Variants in SLC30A4 observed in about 807,000 individuals in gnomAD.
The protein encoded by SLC30A4 is probable proton-coupled zinc antiporter SLC30A4.
Under a neutral mutation model 41.7 loss-of-function variants are expected in SLC30A4, and 20 were observed. The ratio of observed to expected loss-of-function variants is 0.48; its 90% CI spans 0.34 to 0.70. SLC30A4 has a LOEUF of 0.70. Ranked by LOEUF, SLC30A4 falls within the 30% of genes least tolerant of loss-of-function variation. The probability of loss-of-function intolerance (pLI) is 0.01; values close to 1 mark genes in which losing one functional copy is unlikely to be tolerated. For synonymous variants in SLC30A4, 181 were observed against 195.9 expected (o/e 0.92, Z 0.64); for missense variants, 441 against 529.3 (o/e 0.83, Z 1.64).
At chr15:45,519,917 T>G (rs1892611041) in intron 2 of SLC30A4, among the ~76,000 whole-genome samples, 1 of 152,222 alleles carries the variant, frequency 6.6e-6, no homozygotes, top group Non-Finnish European at 1.5e-5. Context: ...AATCTCAGTC[T>G]GCTGAGACCA....
chr15:45,489,172 G>T, intron 4 of SLC30A4, 130 bp from the exon 5 acceptor site: 1 of 708,528 alleles, frequency 1.4e-6, no homozygotes, highest in Non-Finnish European at 2.3e-6. Flanking sequence ...TTATTTATCA[G>T]TACTGTTCTA....
chr15:45,521,570 A>C (rs994529840), intron 2 of SLC30A4, among the ~76,000 whole-genome samples: 1 of 152,074 alleles, frequency 6.6e-6, no homozygotes, highest in South Asian at 2.1e-4. Flanking sequence ...GCAGGTGTTC[A>C]GTAAGGTCCC....
intron 3 of SLC30A4, among the ~76,000 whole-genome samples, chr15:45,494,804 C>G (rs1891879425): frequency 6.6e-6 from 1 of 152,122 alleles, no homozygotes. Flanking sequence ...TAACCAAGTA[C>G]CAAGGCTGAA....
intron 4 of SLC30A4, 142 bp downstream of exon 4, chr15:45,490,586 T>C (rs1314308801): frequency 1.9e-6 from 1 of 528,678 alleles, no homozygotes; most frequent in African/African-American, 1.9e-5. Context: ...ATAACGTCCA[T>C]AGTGTTTCAT....
intron 3 of SLC30A4, chr15:45,502,088 A>C (rs892555363): frequency 2.0e-4 from 30 of 150,754 alleles, no homozygotes; most frequent in African/African-American, 7.1e-4. Flanking sequence ...ATTATATATT[A>C]GTGACTTTTT....
chr15:45,515,234 C>T (rs946581735), intron 2 of SLC30A4, among the ~76,000 whole-genome samples: 1 of 151,840 alleles, frequency 6.6e-6, no homozygotes, highest in Admixed American at 6.6e-5. Flanking sequence ...CACTATACTG[C>T]CCAGGCTGAT....
At chr15:45,516,522 C>T (rs1487253385) in intron 2 of SLC30A4, among the ~76,000 whole-genome samples, 1 of 152,050 alleles carries the variant, frequency 6.6e-6, no homozygotes, top group Non-Finnish European at 1.5e-5. Flanking sequence ...ATCTTTTCCT[C>T]TCCAGTTTTC....
chr15:45,496,117 G>A (rs1891902466), intron 3 of SLC30A4, among the ~76,000 whole-genome samples: 1 of 152,102 alleles, frequency 6.6e-6, no homozygotes, highest in Non-Finnish European at 1.5e-5. Context: ...ATAAAGCAAA[G>A]ACAATACTAT....
chr15:45,492,387 G>C (rs1163472851), intron 3 of SLC30A4, among the ~76,000 whole-genome samples: 1 of 152,064 alleles, frequency 6.6e-6, no homozygotes, highest in Non-Finnish European at 1.5e-5. Context: ...TATTACATTT[G>C]GGAAGTGGTA....
At chr15:45,492,825 T>C (rs1891835192) in intron 3 of SLC30A4, among the ~76,000 whole-genome samples, 1 of 152,104 alleles carries the variant, frequency 6.6e-6, no homozygotes. Flanking sequence ...AAAAAACTAG[T>C]TATCTTGGGT....
At chr15:45,493,957 T>A (rs1891859803) in intron 3 of SLC30A4, among the ~76,000 whole-genome samples, 1 of 152,182 alleles carries the variant, frequency 6.6e-6, no homozygotes, top group African/African-American at 2.4e-5. Context: ...CAGATAATCA[T>A]ACTTTGAAAG....
intron 3 of SLC30A4, among the ~76,000 whole-genome samples, chr15:45,499,466 T>A (rs1429678643): frequency 1.3e-5 from 2 of 152,166 alleles, no homozygotes; most frequent in African/African-American, 4.8e-5. Flanking sequence ...ATGAGCATTA[T>A]CTTTATCTAA....
At chr15:45,521,819 G>T in intron 2 of SLC30A4, 145 bp downstream of exon 2, 1 of 746,940 alleles carries the variant, frequency 1.3e-6, no homozygotes, top group Non-Finnish European at 2.2e-6. Flanking sequence ...CTTTGGAACC[G>T]TGTGGCCTTT....
At chr15:45,487,469 C>T in intron 6 of SLC30A4, 58 bp downstream of exon 6, 1 of 844,222 alleles carries the variant, frequency 1.2e-6, no homozygotes, top group Non-Finnish European at 2.0e-6. Context: ...TGTCCCCTGA[C>T]TCCCAATCTG....
chr15:45,520,300 C>T (rs1200296266), intron 2 of SLC30A4, among the ~76,000 whole-genome samples: 1 of 151,692 alleles, frequency 6.6e-6, no homozygotes, highest in Non-Finnish European at 1.5e-5. Context: ...GACGGATTCT[C>T]ACCCTGTTGC....
chr15:45,503,593 G>A (rs1307543731), intron 3 of SLC30A4, among the ~76,000 whole-genome samples: 2 of 151,674 alleles, frequency 1.3e-5, no homozygotes, highest in Admixed American at 1.3e-4. Flanking sequence ...TCCAGCCTGG[G>A]TGACAGAGGG....
At chr15:45,490,953 T>C (rs909400928) in intron 3 of SLC30A4, 72 bp from the exon 4 acceptor site, 1 of 995,680 alleles carries the variant, frequency 1.0e-6, no homozygotes, top group South Asian at 2.4e-5. Flanking sequence ...CTAAATATTA[T>C]ATAGTCTTTT....
intron 2 of SLC30A4, chr15:45,520,801 C>T: frequency 7.0e-6 from 2 of 284,298 alleles, no homozygotes; most frequent in South Asian, 6.7e-5. Flanking sequence ...ACACATGTGA[C>T]CTGTGTATAT....
At position 45,482,362 on chromosome 15, in the gene SLC30A4, T is replaced by G. The variant is rs1891614992; in HGVS notation, c.*2801A>C. On this transcript the variant is annotated 3_prime_UTR_variant, in exon 8 of 8. Coordinates refer to ENST00000261867, the MANE Select transcript of SLC30A4 (RefSeq NM_013309.6). ...TGAGCCTGGGAGGCAGAGGCTGCAG[T>G]GAGCCCAACTGTGCCACTGCACTCC... 6.6e-6 allele frequency: 1 copy of G among 151,596 alleles called. No individual in the cohort carries two copies. The highest frequency in any genetic ancestry group is 2.1e-4 in the South Asian group (1 of 4,794). 9.4% of individuals were successfully genotyped at this position (151,596 alleles called of 1,614,324 possible). A position where few individuals can be genotyped will look rare whatever the true frequency, so the allele number is the denominator to read the frequency against.
Sources: gnomAD v4.1 joint callset for allele counts (sites outside exome capture counted in the v4.1 genomes callset) on GRCh38, gnomAD v4.1.1 for gene constraint, MANE v1.5 for transcripts, NCBI Gene and HGNC (gene_info 2026-07-23, HGNC 2026-07-21) for gene names.